Variants in WDR27 observed in about 807,000 individuals in gnomAD.
The protein encoded by WDR27 is WD repeat-containing protein 27.
In WDR27, 100 loss-of-function variants were observed where a neutral mutation model predicts 114.4. The observed-to-expected ratio is 0.87, with a 90% CI of 0.74 to 1.03. The LOEUF (loss-of-function observed/expected upper bound fraction) is 1.03, where lower values mean the gene tolerates loss of function less well. Among genes scored for constraint, WDR27 ranks in the 50% least tolerant of loss-of-function variants. WDR27 has a pLI of 0.00. For synonymous variants in WDR27, 449 were observed against 423.1 expected (o/e 1.06, Z -0.75); for missense variants, 1,129 against 1,092.9 (o/e 1.03, Z -0.47).
Position 169,457,513 on chromosome 6 carries a change from G to C in WDR27, c.*79C>G. ...CAGTTGCTGCTTCTGGCCCCCTGAT[G>C]GATGAACCACTACTTCTTACTTTTA... On this transcript the variant is annotated 3_prime_UTR_variant, in exon 26 of 26. Transcript: ENST00000448612. 1 of 1,284,306 alleles carries C rather than the reference G, an allele frequency of 7.8e-7. No homozygotes were observed. The allele number at this position is 1,284,306 out of a possible 1,614,324, so 79.6% of individuals were successfully genotyped here.
intron 1 of WDR27, 28 bp from the exon 2 acceptor site, chr6:169,689,040 A>T (rs1458192485): frequency 4.6e-6 from 7 of 1,520,244 alleles, no homozygotes; most frequent in Non-Finnish European, 5.3e-6. Flanking sequence ...ATATAAGATG[A>T]CTATAGGTAT....
intron 24 of WDR27, among the ~76,000 whole-genome samples, chr6:169,577,835 A>G (rs9383501): frequency 0.94 from 143,045 of 152,212 alleles, 67,295 homozygotes; most frequent in East Asian, 0.99. Flanking sequence ...CCCTTGGGCT[A>G]GGACTTAGAC....
intron 22 of WDR27, 29 bp from the exon 23 acceptor site, chr6:169,602,350 A>G: frequency 6.9e-7 from 1 of 1,443,480 alleles, no homozygotes; most frequent in Non-Finnish European, 9.5e-7. Context: ...CACCAGGAGA[A>G]AAATCATTTT....
At chr6:169,580,103 A>G (rs1435669344) in intron 24 of WDR27, among the ~76,000 whole-genome samples, 1 of 152,236 alleles carries the variant, frequency 6.6e-6, no homozygotes, top group African/African-American at 2.4e-5. Context: ...TGTTTGTGGC[A>G]CAGACTTCCA....
rs142612455 is a variant in WDR27, at chr6:169,566,539, T to C, written c.2645+5880A>G. Among the ~76,000 whole-genome samples, 87 of 152,372 alleles carry C rather than the reference T, an allele frequency of 5.7e-4. 1 individual carries two copies. Among genetic ancestry groups the C allele is most frequent in the African/African-American group, 1.8e-3 (74 of 41,596 alleles). On this transcript the variant is annotated intron_variant, in intron 25 of 25. Transcript: ENST00000448612. ...AGAAATGACATAAATATTTTGACGA[T>C]GACCATTAATTGGTTCTCACTGTTC...
At chr6:169,435,206 G>C in the WDR27 span, among the ~76,000 whole-genome samples, 5 of 152,350 alleles carry the variant, frequency 3.3e-5, no homozygotes, top group Middle Eastern at 3.4e-3. Flanking sequence ...TTCAGAGGAT[G>C]TATGGAAACA....
chr6:169,464,533 G>A (rs1046371194), intron 25 of WDR27, among the ~76,000 whole-genome samples: 1 of 152,122 alleles, frequency 6.6e-6, no homozygotes, highest in Admixed American at 6.5e-5. Flanking sequence ...TAGACAAGTG[G>A]AAAAATTTTT....
chr6:169,662,200 A>G, intron 9 of WDR27, 104 bp downstream of exon 9: 1 of 1,307,512 alleles, frequency 7.6e-7, no homozygotes, highest in Non-Finnish European at 1.1e-6. Context: ...AGACCAAAAT[A>G]ATTTGGTTTT....
intron 23 of WDR27, among the ~76,000 whole-genome samples, chr6:169,597,743 G>A (rs1807089447): frequency 6.6e-6 from 1 of 152,104 alleles, no homozygotes; most frequent in Non-Finnish European, 1.5e-5. Context: ...ATGTTGACAG[G>A]AATACTGGTA....
chr6:169,588,241 T>G (rs2867153), intron 23 of WDR27, among the ~76,000 whole-genome samples: 63,014 of 152,080 alleles, frequency 0.41, 15,348 homozygotes, highest in East Asian at 0.85. Flanking sequence ...ACAGTTGAGT[T>G]TATGAAGTGA....
At chr6:169,610,413 G>A (rs765299928) in intron 22 of WDR27, among the ~76,000 whole-genome samples, 1 of 152,200 alleles carries the variant, frequency 6.6e-6, no homozygotes. Context: ...GCAAGGAGGA[G>A]CAAGCCCCGT....
chr6:169,638,602 A>C lies in WDR27; in HGVS notation c.1806T>G (p.Ser602=). ...CWSQDRRWLL[S]AARDGTLRMW... is the part of the protein sequence containing the mutation. Reference sequence around the variant, plus strand: ...TTCGCAGGGTCCCGTCCCGGGCCGCAGAGAGCAGCCACCTCCGGTCCTGGC... The same window carrying C: ...TTCGCAGGGTCCCGTCCCGGGCCGCCGAGAGCAGCCACCTCCGGTCCTGGC... The change falls in exon 18 of 26, where the codon TCT becomes TCG. Residue 602 remains serine, a synonymous_variant. Coordinates refer to ENST00000448612, the MANE Select transcript of WDR27 (RefSeq NM_182552.5). 1 of 1,608,958 alleles carries C rather than the reference A, an allele frequency of 6.2e-7. No homozygotes were observed. Among genetic ancestry groups the C allele is most frequent in the South Asian group, 1.1e-5 (1 of 89,910 alleles).
chr6:169,688,799 A>C lies in WDR27; in HGVS notation c.189+18T>G. 6.3e-7 allele frequency: 1 copy of C among 1,581,366 alleles called. No individual in the cohort carries two copies. The highest frequency in any genetic ancestry group is 8.6e-7 in the Non-Finnish European group (1 of 1,163,740). On this transcript the variant is annotated intron_variant, in intron 2 of 25. Coordinates refer to ENST00000448612, the MANE Select transcript of WDR27 (RefSeq NM_182552.5). ...GGGCAAGGCCTTCATGACACTGGAC[A>C]TGTAACTCGTTCAATACCTGATGAG... is the stretch of plus-strand genomic sequence containing the variant.
At chr6:169,689,081 C>A in intron 1 of WDR27, 69 bp from the exon 2 acceptor site, 1 of 1,093,608 alleles carries the variant, frequency 9.1e-7, no homozygotes, top group Middle Eastern at 2.5e-4. Flanking sequence ...AGTCTATTAC[C>A]TACTGATAGT....
chr6:169,643,110 TTG>T (rs1305083551), intron 17 of WDR27, among the ~76,000 whole-genome samples: 1 of 152,158 alleles, frequency 6.6e-6, no homozygotes, highest in Non-Finnish European at 1.5e-5. Context: ...GTGAGATATT[TTG>T]TGTTGTTTCT....
Position 169,563,857 on chromosome 6 carries a change from C to T in WDR27, c.2645+8562G>A, listed in dbSNP as rs374494002. 1.1e-4 allele frequency among the ~76,000 whole-genome samples: 17 copies of T among 152,260 alleles called. No individual in the cohort carries two copies. The South Asian group carries it at 1.9e-3, about 17-fold the overall frequency. On this transcript the variant is annotated intron_variant, in intron 25 of 25. Coordinates refer to ENST00000448612, the MANE Select transcript of WDR27 (RefSeq NM_182552.5). Reference sequence around the variant, plus strand: ...CTGCAATTCTCGAGCAGCTCAGAGGCGCTAAAAACATCACATCCGTGACAT... The same window carrying T: ...CTGCAATTCTCGAGCAGCTCAGAGGTGCTAAAAACATCACATCCGTGACAT...
chr6:169,593,505 T>TA lies in WDR27; in HGVS notation c.2424+8713dup, dbSNP rs1012305712. Among the ~76,000 whole-genome samples, 19 of 152,174 alleles carry TA rather than the reference T, an allele frequency of 1.2e-4. 1 individual carries two copies. In the East Asian group the frequency reaches 2.5e-3, roughly 20 times the overall value. On this transcript the variant is annotated intron_variant, in intron 23 of 25. Transcript: ENST00000448612. ...TTATAGATTAAGCTTTCTCTCTTTATAAAAAAAATTGCACTATTAAGTTTA... is the reference window on the plus strand; with the variant it reads ...TTATAGATTAAGCTTTCTCTCTTTATAAAAAAAAATTGCACTATTAAGTTTA...
chr6:169,699,412 G>C (rs185932540), intron 1 of WDR27, among the ~76,000 whole-genome samples: 3 of 152,274 alleles, frequency 2.0e-5, no homozygotes, highest in Non-Finnish European at 4.4e-5. Context: ...AGTCAGGCTT[G>C]AACAGTAGAC....
chr6:169,540,373 C>A (rs890014512), intron 25 of WDR27, among the ~76,000 whole-genome samples: 18 of 151,770 alleles, frequency 1.2e-4, no homozygotes, highest in African/African-American at 4.1e-4. Flanking sequence ...ATGAAAAATA[C>A]TTCTGTCATA....
Sources: allele counts gnomAD v4.1 joint callset (sites outside exome capture counted in the v4.1 genomes callset), GRCh38; gene constraint gnomAD v4.1.1; transcripts MANE v1.5; gene names NCBI Gene and HGNC (gene_info 2026-07-23, HGNC 2026-07-21).